Variants in CC2D1B observed in about 807,000 individuals in gnomAD.
The protein encoded by CC2D1B is coiled-coil and C2 domain containing 1B, also known as coiled-coil and C2 domain-containing protein 1B.
In CC2D1B, 92 loss-of-function variants were observed where a neutral mutation model predicts 110.8. The ratio of observed to expected loss-of-function variants is 0.83; its 90% CI spans 0.70 to 0.99. The LOEUF (loss-of-function observed/expected upper bound fraction) is 0.99. Ranked by LOEUF, CC2D1B falls within the 50% of genes least tolerant of loss-of-function variation. The pLI, the probability that CC2D1B is intolerant of heterozygous loss-of-function variation, is 0.00. For synonymous variants in CC2D1B, 406 were observed against 429.2 expected, an observed-to-expected ratio of 0.95 and a Z score of 0.67; for missense variants, 1,136 against 1,089.0, an observed-to-expected ratio of 1.04 and a Z score of -0.61.
In CC2D1B at chr1:52,360,834, C is replaced by T. The variant is rs1569861571; in HGVS notation, c.477+140G>A. Reference sequence around the variant, plus strand: ...CTGCCACGGAGGAGTTTCTTGTGCTCAGTTTCTGCTTGGGGCGGCTGCTGG... The same window carrying T: ...CTGCCACGGAGGAGTTTCTTGTGCTTAGTTTCTGCTTGGGGCGGCTGCTGG... On this transcript the variant is annotated intron_variant, in intron 5 of 24. Transcript: ENST00000284376. The T allele has an allele frequency of 7.2e-6, 8 of 1,110,242 alleles. No homozygotes were observed. In the East Asian group the frequency reaches 1.7e-4, roughly 23 times the overall value. The allele number at this position is 1,110,242 out of a possible 1,614,324, so 68.8% of individuals were successfully genotyped here. A position where few individuals can be genotyped will look rare whatever the true frequency, so the allele number is the denominator to read the frequency against.
chr1:52,359,667 A>G lies in CC2D1B; in HGVS notation c.942+38T>C, dbSNP rs750533946. 1.0e-4 allele frequency: 161 copies of G among 1,558,534 alleles called. No homozygotes were observed. The South Asian group carries it at 1.6e-3, about 15-fold the overall frequency. The stretch of plus-strand genomic sequence containing the variant: ...CTTTCTGAGCCTGTTTCCCCTATCT[A>G]TAAAATGAGGGTGGGTGCCCTGAGC... On this transcript the variant is annotated intron_variant, in intron 8 of 24. Transcript: ENST00000284376.
intron 16 of CC2D1B, chr1:52,356,787 G>GTTGT (rs1646662764): frequency 1.5e-5 from 9 of 608,358 alleles, no homozygotes; most frequent in Admixed American, 3.0e-5. Context: ...CCTCTTCTCT[G>GTTGT]TTGTTTGTAC....
chr1:52,358,452 G>T lies in CC2D1B; in HGVS notation c.1340C>A (p.Pro447His). The change falls in exon 13 of 25, where the codon CCC (proline) becomes CAC (histidine). Residue 447 changes from proline to histidine, a missense_variant. Transcript: ENST00000284376. ...CATAGTGGACTCCAGGCCAGGGATG[G>T]GGGGAAATCCTGTGGGAGAGAGACA... ...AELPVPPGFP[P>H]IPGLESTMGV... is the part of the protein sequence containing the mutation. The T allele has an allele frequency of 6.2e-7, 1 of 1,613,828 alleles. No individual in the cohort carries two copies. The highest frequency in any genetic ancestry group is 1.1e-5 in the South Asian group (1 of 91,072).
rs766729354 is a variant in CC2D1B, at chr1:52,357,761, C to T, written c.1579+20G>A. The T allele has an allele frequency of 6.3e-7, 1 of 1,597,776 alleles. No homozygotes were observed. Among genetic ancestry groups the T allele is most frequent in the Non-Finnish European group, 8.5e-7 (1 of 1,170,346 alleles). ...CCTCTCTAGGCCCTCAGTTCTTCACCCTGCTTGTCCCCAACTCACCAGATG... is the reference window on the plus strand; with the variant it reads ...CCTCTCTAGGCCCTCAGTTCTTCACTCTGCTTGTCCCCAACTCACCAGATG... On this transcript the variant is annotated intron_variant, in intron 14 of 24. Coordinates refer to ENST00000284376, the MANE Select transcript of CC2D1B (RefSeq NM_001330585.2).
intron 3 of CC2D1B, among the ~76,000 whole-genome samples, chr1:52,362,329 C>T (rs1323551821): frequency 6.6e-6 from 1 of 152,180 alleles, no homozygotes; most frequent in Admixed American, 6.5e-5. Context: ...CTAACTGGGC[C>T]CCTACCCTAC....
Position 52,362,693 on chromosome 1 carries a change from C to T in CC2D1B, c.123G>A (p.Glu41=), listed in dbSNP as rs1646808744. ...GPEDMLLGMD[E]AEDDEDLEAE... Reference sequence around the variant, plus strand: ...CCTCCAGGTCCTCATCATCTTCAGCCTCATCCATGCCCAGCAGCATGTCCT... The same window carrying T: ...CCTCCAGGTCCTCATCATCTTCAGCTTCATCCATGCCCAGCAGCATGTCCT... The change falls in exon 3 of 25, where the codon GAG becomes GAA. Residue 41 remains glutamate, a synonymous_variant. Transcript: ENST00000284376. 21 of 1,614,160 alleles carry T rather than the reference C, an allele frequency of 1.3e-5. No homozygotes were observed. Among genetic ancestry groups the T allele is most frequent in the Non-Finnish European group, 1.8e-5 (21 of 1,180,028 alleles).
At position 52,357,542 on chromosome 1, in the gene CC2D1B, G is replaced by A; in HGVS notation, c.1736C>T (p.Pro579Leu). ...GGGACTCACCTTGGACAGATCAACA[G>A]GTCTGCCAGATCGGGCCTGGATGAT... ...AQIIQARSGR[P>L]VDLSKVPSPL... is the part of the protein sequence containing the mutation. Residue 579 changes from proline (P) to leucine (L), a missense_variant, in exon 15 of 25, where the codon CCT becomes CTT. Transcript: ENST00000284376. The A allele has an allele frequency of 6.3e-7, 1 of 1,579,050 alleles. No homozygotes were observed. Among genetic ancestry groups the A allele is most frequent in the Non-Finnish European group, 8.6e-7 (1 of 1,160,932 alleles).
In CC2D1B at chr1:52,357,590, A is replaced by C; in HGVS notation, c.1688T>G (p.Val563Gly). 1 of 1,586,006 alleles carries C rather than the reference A, an allele frequency of 6.3e-7. No homozygotes were observed. Among genetic ancestry groups the C allele is most frequent in the Non-Finnish European group, 8.6e-7 (1 of 1,164,950 alleles). ...GATCTGAGCCTCAAGCCATTTGGCT[A>C]CCCGCAGATAGGCTTTGGCCTGCTC... ...DLEQAKAYLR[V>G]AKWLEAQIIQ... Residue 563 changes from valine (V) to glycine (G), a missense_variant, in exon 15 of 25, where the codon GTA (valine) becomes GGA (glycine). Transcript: ENST00000284376.
chr1:52,356,483 G>A, intron 16 of CC2D1B, 41 bp from the exon 17 acceptor site: 1 of 1,610,184 alleles, frequency 6.2e-7, no homozygotes, highest in Non-Finnish European at 8.5e-7. Context: ...GCCCAGAGCA[G>A]GACCTGCCTT....
rs1646619191 is a variant in CC2D1B, at chr1:52,355,099, A to C, written c.2240-160T>G. On this transcript the variant is annotated intron_variant, in intron 21 of 24. Transcript: ENST00000284376. Reference sequence around the variant, plus strand: ...TAGAGCATCGCGGTCCTGGCCTTGGAAGTGAGTTTTTGTACTCTTTTTAGT... The same window carrying C: ...TAGAGCATCGCGGTCCTGGCCTTGGCAGTGAGTTTTTGTACTCTTTTTAGT... 6 of 654,744 alleles carry C rather than the reference A, an allele frequency of 9.2e-6. No individual in the cohort carries two copies. The South Asian group carries it at 1.1e-4, about 12-fold the overall frequency. The allele number at this position is 654,744 out of a possible 1,614,324, so 40.6% of individuals were successfully genotyped here.
At chr1:52,358,822 G>A in intron 11 of CC2D1B, 64 bp from the exon 12 acceptor site, 3 of 1,513,082 alleles carry the variant, frequency 2.0e-6, no homozygotes, top group Non-Finnish European at 2.7e-6. Context: ...TGCCCAACAT[G>A]ACACACAGTG....
At chr1:52,358,913 GACAA>G (rs1646713532) in intron 11 of CC2D1B, 110 bp downstream of exon 11, 1 of 1,497,900 alleles carries the variant, frequency 6.7e-7, no homozygotes, top group South Asian at 1.2e-5. Flanking sequence ...GCCCCAGAGA[GACAA>G]ACAGATGATG....
Position 52,357,797 on chromosome 1 carries a change from C to T in CC2D1B, c.1563G>A (p.Glu521=). Residue 521 remains glutamate, a synonymous_variant, in exon 14 of 25, where the codon GAG becomes GAA. Coordinates refer to ENST00000284376, the MANE Select transcript of CC2D1B (RefSeq NM_001330585.2). ...CCAACTCACCAGATGGACTCGGTGA[C>T]TCCTTAGAACTTGAGGCCCTGGGCT... ...LPEPRASSSK[E]SPSPSVREQL... is the part of the protein sequence containing the mutation. 1.9e-6 allele frequency: 3 copies of T among 1,589,284 alleles called. No homozygotes were observed. Among genetic ancestry groups the T allele is most frequent in the Non-Finnish European group, 2.6e-6 (3 of 1,167,576 alleles).
intron 16 of CC2D1B, 153 bp downstream of exon 16, chr1:52,356,848 T>C: frequency 1.2e-6 from 1 of 840,458 alleles, no homozygotes; most frequent in Non-Finnish European, 1.8e-6. Context: ...GAAAATGTAG[T>C]TCAGAGAAGA....
rs777923871 is a variant in CC2D1B at position 52,355,350 on chromosome 1, G to GC, written c.2239+47dup. Reference sequence around the variant, plus strand: ...AACCCACTCTGGAAACACCAGTGCTGCCCACACACTCTGAGGGAGGAGAAA... The same window carrying GC: ...AACCCACTCTGGAAACACCAGTGCTGCCCCACACACTCTGAGGGAGGAGAAA... On this transcript the variant is annotated intron_variant, in intron 21 of 24. Coordinates refer to ENST00000284376, the MANE Select transcript of CC2D1B (RefSeq NM_001330585.2). 4 of 1,587,914 alleles carry GC rather than the reference G, an allele frequency of 2.5e-6. No homozygotes were observed. In the South Asian group the frequency reaches 4.4e-5, roughly 18 times the overall value.
chr1:52,363,266 G>A (rs192024191), intron 2 of CC2D1B, among the ~76,000 whole-genome samples: 2,556 of 152,078 alleles, frequency 0.017, 24 homozygotes, highest in Non-Finnish European at 0.026. Context: ...GCGGTGGCGG[G>A]CGCCTGTAGT....
In CC2D1B at chr1:52,355,757, G is replaced by A. The variant is rs770409354; in HGVS notation, c.2128+14C>T. ...GGCAAGAGCCTCCTGGAGTAGGGGC[G>A]GCCCTAGGGTTACCTGGAGGGGCTG... On this transcript the variant is annotated intron_variant, in intron 19 of 24. Transcript: ENST00000284376. 71 of 1,613,720 alleles carry A rather than the reference G, an allele frequency of 4.4e-5. No homozygotes were observed. The highest frequency in any genetic ancestry group is 1.1e-4 in the African/African-American group (8 of 74,876).
chr1:52,352,472 AGTT>A lies in CC2D1B; in HGVS notation c.*750_*752del. 1 of 152,770 alleles carries A rather than the reference AGTT, an allele frequency of 6.5e-6. No individual in the cohort carries two copies. The highest frequency in any genetic ancestry group is 1.9e-4 in the East Asian group (1 of 5,192). The allele number at this position is 152,770 out of a possible 1,614,324, so 9.5% of individuals were successfully genotyped here. On this transcript the variant is annotated 3_prime_UTR_variant, in exon 25 of 25. Transcript: ENST00000284376. ...TAGGACTTTGGTGGATACTCTGTAT[AGTT>A]GAGTATAAAATCCCTACAATGAGTT...
Position 52,357,557 on chromosome 1 carries a change from G to T in CC2D1B, c.1721C>A (p.Ala574Asp), listed in dbSNP as rs1646680762. The T allele has an allele frequency of 3.8e-6, 6 of 1,582,080 alleles. No individual in the cohort carries two copies. In the East Asian group the frequency reaches 1.2e-4, roughly 30 times the overall value. Residue 574 changes from alanine (A) to aspartate (D), a missense_variant, in exon 15 of 25, where the codon GCC becomes GAC. By Grantham distance (126) the Ala-to-Asp change is moderately radical (BLOSUM62 -2). Coordinates refer to ENST00000284376, the MANE Select transcript of CC2D1B (RefSeq NM_001330585.2). ...CAGATCAACAGGTCTGCCAGATCGG[G>T]CCTGGATGATCTGAGCCTCAAGCCA... The part of the protein sequence containing the change: ...AKWLEAQIIQ[A>D]RSGRPVDLSK...
Sources: allele counts gnomAD v4.1 joint callset (sites outside exome capture counted in the v4.1 genomes callset), GRCh38; gene constraint gnomAD v4.1.1; transcripts MANE v1.5; gene names NCBI Gene and HGNC (gene_info 2026-07-23, HGNC 2026-07-21).